LRMDA: variants seen among roughly 807,000 people sequenced by gnomAD.
LRMDA encodes leucine rich melanocyte differentiation associated.
LRMDA carries 18 observed loss-of-function variants against 29.8 expected under a neutral mutation model. That is an observed-to-expected ratio of 0.60 (90% CI 0.42 to 0.90). The LOEUF is 0.90. LRMDA is among the 40% of genes least tolerant of loss of function. The pLI, the probability that LRMDA is intolerant of heterozygous loss-of-function variation, is 0.00. For synonymous variants in LRMDA, 125 were observed against 109.4 expected (o/e 1.14, Z -0.89); for missense variants, 273 against 273.9 (o/e 1.00, Z 0.02).
At chr10:76,297,273 C>T (rs1043762596) in intron 5 of LRMDA, among the ~76,000 whole-genome samples, 1 of 152,192 alleles carries the variant, frequency 6.6e-6, no homozygotes, top group Admixed American at 6.5e-5. Flanking sequence ...TGGCTAACCA[C>T]TATTTCAGAT....
intron 2 of LRMDA, among the ~76,000 whole-genome samples, chr10:75,702,065 A>G (rs1172425405): frequency 2.0e-5 from 3 of 151,836 alleles, no homozygotes; most frequent in African/African-American, 7.3e-5. Context: ...CTCAATCTTC[A>G]CCTAGCTAAC....
intron 6 of LRMDA, among the ~76,000 whole-genome samples, chr10:76,409,173 A>G (rs1564533406): frequency 6.6e-6 from 1 of 152,162 alleles, no homozygotes; most frequent in Non-Finnish European, 1.5e-5. Flanking sequence ...CACGTACCAC[A>G]CTCAATAATG....
At chr10:75,994,962 A>G (rs966767949) in intron 2 of LRMDA, among the ~76,000 whole-genome samples, 4 of 152,134 alleles carry the variant, frequency 2.6e-5, no homozygotes, top group Non-Finnish European at 5.9e-5. Context: ...GAGCAAAGAA[A>G]TGAATGTGGC....
chr10:75,648,306 A>G (rs1028527625), intron 2 of LRMDA, among the ~76,000 whole-genome samples: 10 of 151,666 alleles, frequency 6.6e-5, no homozygotes, highest in African/African-American at 2.4e-4. Context: ...GATGCTTCTC[A>G]CCCTGCCACA....
In LRMDA at chr10:75,616,567, C is replaced by T. The variant is rs146598632; in HGVS notation, c.131+178073C>T. On this transcript the variant is annotated intron_variant, in intron 2 of 6. Transcript: ENST00000611255. Reference sequence around the variant, plus strand: ...GGAGTCTATGAGTTAAATGGTATGCCTGGTATGTACATAGAGCTTCTCTTA... The same window carrying T: ...GGAGTCTATGAGTTAAATGGTATGCTTGGTATGTACATAGAGCTTCTCTTA... 5.2e-3 allele frequency among the ~76,000 whole-genome samples: 792 copies of T among 152,256 alleles called. 4 individuals are homozygous for T. The Middle Eastern group carries it at 0.054, about 10-fold the overall frequency.
intron 2 of LRMDA, among the ~76,000 whole-genome samples, chr10:75,753,003 T>C (rs1033867498): frequency 6.6e-6 from 1 of 152,058 alleles, no homozygotes; most frequent in Non-Finnish European, 1.5e-5. Flanking sequence ...TTGCCTGTGG[T>C]TTGAGATTGT....
At chr10:76,241,503 T>A (rs1054585385) in intron 5 of LRMDA, among the ~76,000 whole-genome samples, 8 of 152,216 alleles carry the variant, frequency 5.3e-5, no homozygotes, top group African/African-American at 1.9e-4. Context: ...TTCTTCCATA[T>A]AGTAATTGCT....
intron 6 of LRMDA, among the ~76,000 whole-genome samples, chr10:76,375,117 A>C (rs1166423191): frequency 1.3e-5 from 2 of 152,084 alleles, no homozygotes; most frequent in African/African-American, 4.8e-5. Flanking sequence ...CTTTTTCTGC[A>C]AGGATGCTAA....
chr10:75,754,581 T>G (rs1184265533), intron 2 of LRMDA, among the ~76,000 whole-genome samples: 1 of 152,230 alleles, frequency 6.6e-6, no homozygotes, highest in East Asian at 1.9e-4. Context: ...TGTTTTTACT[T>G]GTCACAGTTG....
At chr10:75,438,922 T>A (rs1483808335) in intron 2 of LRMDA, among the ~76,000 whole-genome samples, 1 of 152,104 alleles carries the variant, frequency 6.6e-6, no homozygotes, top group Non-Finnish European at 1.5e-5. Context: ...GAGTCACAGG[T>A]AGGGTGTGTG....
At chr10:76,486,616 T>C (rs1019349530) in intron 6 of LRMDA, among the ~76,000 whole-genome samples, 1 of 151,962 alleles carries the variant, frequency 6.6e-6, no homozygotes, top group African/African-American at 2.4e-5. Context: ...GTTTTATTAC[T>C]CTACACTGTC....
intron 2 of LRMDA, among the ~76,000 whole-genome samples, chr10:75,562,464 A>C (rs151256062): frequency 0.014 from 2,114 of 152,122 alleles, 47 homozygotes; most frequent in African/African-American, 0.045. Flanking sequence ...CAGCATGCTG[A>C]TGGGTCTTGA....
chr10:75,635,727 A>G (rs1446163757), intron 2 of LRMDA, among the ~76,000 whole-genome samples: 1 of 152,174 alleles, frequency 6.6e-6, no homozygotes, highest in Non-Finnish European at 1.5e-5. Flanking sequence ...TTTCCTGATT[A>G]CATTGTTTGT....
At chr10:75,820,280 T>A (rs1445122379) in intron 2 of LRMDA, among the ~76,000 whole-genome samples, 2 of 152,140 alleles carry the variant, frequency 1.3e-5, no homozygotes, top group African/African-American at 2.4e-5. Context: ...CAATACATTT[T>A]AAAAAATTGA....
chr10:75,481,374 G>T (rs1270551940), intron 2 of LRMDA, among the ~76,000 whole-genome samples: 2 of 152,154 alleles, frequency 1.3e-5, no homozygotes, highest in Non-Finnish European at 2.9e-5. Context: ...TGTTCATTAA[G>T]GTCACATGCT....
intron 5 of LRMDA, among the ~76,000 whole-genome samples, chr10:76,210,108 C>T (rs1851609545): frequency 6.6e-6 from 1 of 152,176 alleles, no homozygotes. Context: ...GGCTTAATTA[C>T]ACATAATTTG....
intron 5 of LRMDA, among the ~76,000 whole-genome samples, chr10:76,145,496 C>T (rs1850297230): frequency 2.0e-5 from 3 of 152,150 alleles, no homozygotes; most frequent in Admixed American, 2.0e-4. Context: ...TTATAGTATT[C>T]TCTGATAGTA....
At chr10:76,353,470 G>C (rs1841203188) in intron 6 of LRMDA, among the ~76,000 whole-genome samples, 3 of 152,088 alleles carry the variant, frequency 2.0e-5, no homozygotes, top group African/African-American at 7.2e-5. Context: ...GACTGAAGTA[G>C]TCCTGACAAA....
intron 5 of LRMDA, among the ~76,000 whole-genome samples, chr10:76,305,110 T>G (rs1840535609): frequency 6.6e-6 from 1 of 152,156 alleles, no homozygotes; most frequent in Non-Finnish European, 1.5e-5. Context: ...CTACCATGCC[T>G]TACCCTTCTG....
Sources: allele counts gnomAD v4.1 joint callset (sites outside exome capture counted in the v4.1 genomes callset), GRCh38; gene constraint gnomAD v4.1.1; transcripts MANE v1.5; gene names NCBI Gene and HGNC (gene_info 2026-07-23, HGNC 2026-07-21).